Variants in TRPV5 observed in about 807,000 individuals in gnomAD.
TRPV5 encodes the protein calcium transport protein 2.
TRPV5 carries 66 observed loss-of-function variants against 74.1 expected under a neutral mutation model. That is an observed-to-expected ratio of 0.89 (90% CI 0.73 to 1.09). The LOEUF (loss-of-function observed/expected upper bound fraction) is 1.09. Ranked by LOEUF, TRPV5 falls within the 50% of genes least tolerant of loss-of-function variation. The pLI is 0.00. For missense variants in TRPV5, 936 were observed against 930.4 expected (o/e 1.01, Z -0.08); for synonymous variants, 399 against 360.7 (o/e 1.11, Z -1.20).
intron 8 of TRPV5, among the ~76,000 whole-genome samples, chr7:142,921,807 A>C (rs1200489442): frequency 6.6e-6 from 1 of 152,238 alleles, no homozygotes; most frequent in Admixed American, 6.5e-5. Flanking sequence ...CTGTCTGGAC[A>C]ACCTCACCTG....
intron 7 of TRPV5, among the ~76,000 whole-genome samples, chr7:142,926,164 A>G (rs1703201969): frequency 6.6e-6 from 1 of 152,238 alleles, no homozygotes; most frequent in Admixed American, 6.5e-5. Context: ...GGGCCAGGTC[A>G]TCATGCATCA....
chr7:142,917,024 T>C (rs903129603), intron 8 of TRPV5, among the ~76,000 whole-genome samples: 6 of 151,942 alleles, frequency 3.9e-5, no homozygotes, highest in Non-Finnish European at 8.8e-5. Flanking sequence ...TTCCAAAGAA[T>C]TTCAGAGTTT....
Position 142,912,504 on chromosome 7 carries a change from C to G in TRPV5, c.1766G>C (p.Arg589Thr). Residue 589 changes from arginine to threonine, a missense_variant, in exon 13 of 15, where the codon AGG becomes ACG. Coordinates refer to ENST00000265310, the MANE Select transcript of TRPV5 (RefSeq NM_019841.7). Reference sequence around the variant, plus strand: ...CACCTGGGCCCTCCAGAGCTCATCCCTCTCCTGGGCCACCCTCCAGTGGGT... The same window carrying G: ...CACCTGGGCCCTCCAGAGCTCATCCGTCTCCTGGGCCACCCTCCAGTGGGT... ...GDTHWRVAQE[R>T]DELWRAQVVA... 1 of 1,614,134 alleles carries G rather than the reference C, an allele frequency of 6.2e-7. No homozygotes were observed. The highest frequency in any genetic ancestry group is 8.5e-7 in the Non-Finnish European group (1 of 1,179,974).
At position 142,915,038 on chromosome 7, in the gene TRPV5, T is replaced by C; in HGVS notation, c.1295A>G (p.Tyr432Cys). Residue 432 changes from tyrosine to cysteine, a missense_variant, in exon 11 of 15, where the codon TAT (tyrosine) becomes TGT (cysteine). Physicochemically the swap from Tyr to Cys is radical, Grantham distance 194. Coordinates refer to ENST00000265310, the MANE Select transcript of TRPV5 (RefSeq NM_019841.7). ...CATGGTCACCAGCACCAGGGAGGCATAGGTGATGCTGGGGGAGCAGAAAGC... is the reference window on the plus strand; with the variant it reads ...CATGGTCACCAGCACCAGGGAGGCACAGGTGATGCTGGGGGAGCAGAAAGC... ...GGPFHVIIIT[Y>C]ASLVLVTMVM... The C allele has an allele frequency of 1.9e-6, 3 of 1,613,740 alleles. No homozygotes were observed. The highest frequency in any genetic ancestry group is 2.2e-5 in the East Asian group (1 of 44,868).
chr7:142,930,624 C>T (rs1461045621), intron 1 of TRPV5, among the ~76,000 whole-genome samples, 178 bp from the exon 2 acceptor site: 3 of 152,236 alleles, frequency 2.0e-5, no homozygotes, highest in Admixed American at 6.5e-5. Flanking sequence ...AAGGGTCAGC[C>T]CCAGGGCCTT....
chr7:142,910,613 A>G (rs762904434), intron 13 of TRPV5, among the ~76,000 whole-genome samples: 1 of 152,110 alleles, frequency 6.6e-6, no homozygotes, highest in Admixed American at 6.5e-5. Flanking sequence ...TCTTCACCTC[A>G]TGTTTTTCTA....
intron 8 of TRPV5, among the ~76,000 whole-genome samples, chr7:142,916,808 C>T (rs546258816): frequency 7.2e-5 from 11 of 151,742 alleles, no homozygotes; most frequent in Admixed American, 1.3e-4. Context: ...CACAGGGAAC[C>T]AAGAGAGACT....
chr7:142,911,892 C>A (rs148046167), intron 13 of TRPV5, among the ~76,000 whole-genome samples: 79 of 152,238 alleles, frequency 5.2e-4, no homozygotes, highest in African/African-American at 1.8e-3. Context: ...TAGGTTTTAG[C>A]TCAATGCGAC....
chr7:142,920,211 C>T (rs1226502958), intron 8 of TRPV5, among the ~76,000 whole-genome samples: 2 of 152,322 alleles, frequency 1.3e-5, no homozygotes, highest in South Asian at 2.1e-4. Flanking sequence ...GTAAGTCAAG[C>T]TGCCTTCCAA....
chr7:142,930,448 TG>T lies in TRPV5; in HGVS notation c.129-3del. On this transcript the variant is annotated splice_region_variant and splice_polypyrimidine_tract_variant and intron_variant, in intron 1 of 14. Coordinates refer to ENST00000265310, the MANE Select transcript of TRPV5 (RefSeq NM_019841.7). ...CGAAGCAGTGGAGACTCTAGAATCC[TG>T]GGGAAAGGTGAACGTGAGTTTGGAA... 1 of 1,611,580 alleles carries T rather than the reference TG, an allele frequency of 6.2e-7. No homozygotes were observed. The highest frequency in any genetic ancestry group is 8.5e-7 in the Non-Finnish European group (1 of 1,177,708).
chr7:142,921,455 G>A (rs2116591167), intron 8 of TRPV5, among the ~76,000 whole-genome samples: 1 of 152,066 alleles, frequency 6.6e-6, no homozygotes, highest in Non-Finnish European at 1.5e-5. Flanking sequence ...CTAATTTTTT[G>A]TATTTTTAGG....
Position 142,912,440 on chromosome 7 carries a change from C to T in TRPV5, c.1788+42G>A, listed in dbSNP as rs775910223. On this transcript the variant is annotated intron_variant, in intron 13 of 14. Transcript: ENST00000265310. ...ACATTTTCCACTTTGATTTTTCTCT[C>T]CAACCCCTGCTTCTTAGCAAGACTA... 1.2e-5 allele frequency: 19 copies of T among 1,583,644 alleles called. No homozygotes were observed. The South Asian group carries it at 2.2e-4, about 18-fold the overall frequency.
intron 13 of TRPV5, among the ~76,000 whole-genome samples, chr7:142,911,146 C>G (rs1357663584): frequency 6.6e-6 from 1 of 152,166 alleles, no homozygotes; most frequent in Non-Finnish European, 1.5e-5. Context: ...CATCCTCATT[C>G]TTTTTGGAGT....
chr7:142,930,097 C>A lies in TRPV5; in HGVS notation c.310G>T (p.Glu104Ter), dbSNP rs1337374278. ...AALVLMEAAP[E>*]LVFEPTTCEA... ...CATGTGGTGGGCTCAAAGACCAGCT[C>A]TGGGGCAGCCTCCATCAGCACCAAG... The change falls in exon 3 of 15, where the codon GAG (glutamate) becomes TAG (stop). Residue 104 changes from glutamate (E) to a stop codon, truncating the protein, a stop_gained. Coordinates refer to ENST00000265310, the MANE Select transcript of TRPV5 (RefSeq NM_019841.7). LOFTEE classifies it high-confidence loss of function. 6.2e-7 allele frequency: 1 copy of A among 1,614,218 alleles called. No homozygotes were observed. The highest frequency in any genetic ancestry group is 1.1e-5 in the South Asian group (1 of 91,088).
In TRPV5 at chr7:142,930,167, C is replaced by A. The variant is rs765247050; in HGVS notation, c.240G>T (p.Glu80Asp). The part of the protein sequence containing the change: ...CDVRQRGALG[E>D]TALHIAALYD... ...AGAGGGCTGCTATGTGCAGCGCCGT[C>A]TCCCCCAGGGCTCCTGGATTGGAGT... Residue 80 changes from glutamate (E) to aspartate (D), a missense_variant, in exon 3 of 15, where the codon GAG (glutamate) becomes GAT (aspartate). Coordinates refer to ENST00000265310, the MANE Select transcript of TRPV5 (RefSeq NM_019841.7). The A allele has an allele frequency of 3.7e-6, 6 of 1,613,122 alleles. No individual in the cohort carries two copies. Among genetic ancestry groups the A allele is most frequent in the Non-Finnish European group, 2.5e-6 (3 of 1,179,806 alleles).
rs374962671 is a variant in TRPV5, at chr7:142,929,035, G to A, written c.573C>T (p.Ala191=). The change falls in exon 5 of 15, where the codon GCC becomes GCT. Residue 191 remains alanine (A), a synonymous_variant. Coordinates refer to ENST00000265310, the MANE Select transcript of TRPV5 (RefSeq NM_019841.7). ...LLIEHGADIR[A]QDSLGNTVLH... ...CCCAGCTCTTACCCAGGGAGTCCTG[G>A]GCCCTGATGTCAGCTCCATGCTCAA... The A allele has an allele frequency of 1.9e-6, 3 of 1,613,850 alleles. No homozygotes were observed. Among genetic ancestry groups the A allele is most frequent in the Non-Finnish European group, 2.5e-6 (3 of 1,180,018 alleles).
chr7:142,914,731 G>A (rs773986768), intron 11 of TRPV5, 25 bp from the exon 12 acceptor site: 29 of 1,612,120 alleles, frequency 1.8e-5, no homozygotes, highest in Non-Finnish European at 2.5e-5. Context: ...AGGAAGAAAG[G>A]GTGGGATGAT....
chr7:142,924,194 G>C (rs149580524), intron 8 of TRPV5, among the ~76,000 whole-genome samples: 1 of 147,412 alleles, frequency 6.8e-6, no homozygotes, highest in African/African-American at 2.5e-5. Flanking sequence ...GTGAGAGGCA[G>C]TGTATCTGGA....
At chr7:142,915,592 G>C (rs769174396) in intron 8 of TRPV5, 24 bp from the exon 9 acceptor site, 2 of 1,608,682 alleles carry the variant, frequency 1.2e-6, no homozygotes, top group South Asian at 2.2e-5. Flanking sequence ...TTCAGAAGAA[G>C]TGCTTTCTGA....
Sources: gnomAD v4.1 joint callset for allele counts (sites outside exome capture counted in the v4.1 genomes callset) on GRCh38, gnomAD v4.1.1 for gene constraint, MANE v1.5 for transcripts, NCBI Gene and HGNC (gene_info 2026-07-23, HGNC 2026-07-21) for gene names.